Variants in SLC23A1 observed in about 807,000 individuals in gnomAD.
The protein encoded by SLC23A1 is solute carrier family 23 member 1.
A neutral mutation model predicts 62.5 loss-of-function variants in SLC23A1; 31 were observed. The observed-to-expected ratio is 0.50, with a 90% CI of 0.37 to 0.67. The LOEUF is 0.67. Ranked by LOEUF, SLC23A1 falls within the 30% of genes least tolerant of loss-of-function variation. The pLI is 0.00. For missense variants in SLC23A1, 640 were observed against 782.7 expected (o/e 0.82, Z 2.18); for synonymous variants, 271 against 313.2 (o/e 0.87, Z 1.42).
At chr5:139,372,297 C>G (rs1348274452) in intron 13 of SLC23A1, 44 bp from the exon 14 acceptor site, 6 of 1,581,230 alleles carry the variant, frequency 3.8e-6, no homozygotes, top group Non-Finnish European at 5.2e-6. Flanking sequence ...CAGCAACCCT[C>G]AGCCACCCCC....
rs766030131 is a variant in SLC23A1 at position 139,378,229 on chromosome 5, A to G, written c.1302T>C (p.Thr434=). The change falls in exon 11 of 15, where the codon ACT becomes ACC. Residue 434 remains threonine (T), a synonymous_variant. Coordinates refer to ENST00000348729, the MANE Select transcript of SLC23A1 (RefSeq NM_005847.5). This position sits in a 1 kb window ranked among gnomAD's most constrained non-coding sequence, Gnocchi z 4.5. Reference sequence around the variant, plus strand: ...CCCGCGCCAGACACTCACCAAAGAGAGTGCAGAACATGCCCCCCAGGATGG... The same window carrying G: ...CCCGCGCCAGACACTCACCAAAGAGGGTGCAGAACATGCCCCCCAGGATGG... ...PDPILGGMFC[T]LFGMITAVGL... The G allele has an allele frequency of 8.3e-5, 134 of 1,612,868 alleles. No homozygotes were observed. The highest frequency in any genetic ancestry group is 1.1e-4 in the Non-Finnish European group (130 of 1,179,684).
At chr5:139,374,748 A>C (rs1757862118) in intron 13 of SLC23A1, among the ~76,000 whole-genome samples, 1 of 152,176 alleles carries the variant, frequency 6.6e-6, no homozygotes, top group Non-Finnish European at 1.5e-5. Flanking sequence ...GCAGTTCTGC[A>C]GCTGTTGTTA....
At chr5:139,376,058 C>T (rs1176996972) in intron 13 of SLC23A1, among the ~76,000 whole-genome samples, 1 of 152,130 alleles carries the variant, frequency 6.6e-6, no homozygotes, top group East Asian at 1.9e-4. Flanking sequence ...AGGAGGGTCA[C>T]ATAAGCCCAG....
chr5:139,370,627 G>T (rs1757602657), intron 14 of SLC23A1, among the ~76,000 whole-genome samples: 1 of 151,862 alleles, frequency 6.6e-6, no homozygotes, highest in African/African-American at 2.4e-5. Flanking sequence ...AAGTAGCTGG[G>T]ATTACAGGCG....
intron 1 of SLC23A1, 141 bp downstream of exon 1, chr5:139,383,077 T>G (rs994232022): frequency 1.3e-5 from 8 of 595,908 alleles, no homozygotes; most frequent in Admixed American, 3.5e-5. Context: ...ATCCCCCAGT[T>G]GCCACATTCA....
At position 139,379,198 on chromosome 5, in the gene SLC23A1, G is replaced by A. The variant is rs1343174923; in HGVS notation, c.1073+9C>T. Reference sequence around the variant, plus strand: ...GGAGATCAGATACTGAGGAGGGCAGGTAGGCTACCTGTTGATAGCATGTAC... The same window carrying A: ...GGAGATCAGATACTGAGGAGGGCAGATAGGCTACCTGTTGATAGCATGTAC... On this transcript the variant is annotated intron_variant, in intron 9 of 14. Coordinates refer to ENST00000348729, the MANE Select transcript of SLC23A1 (RefSeq NM_005847.5). This position sits in a 1 kb window ranked among gnomAD's most constrained non-coding sequence, Gnocchi z 4.7. The A allele has an allele frequency of 1.2e-6, 2 of 1,613,868 alleles. No homozygotes were observed. Among genetic ancestry groups the A allele is most frequent in the African/African-American group, 2.7e-5 (2 of 74,934 alleles).
intron 12 of SLC23A1, 122 bp from the exon 13 acceptor site, chr5:139,377,619 T>G: frequency 1.5e-6 from 1 of 663,298 alleles, no homozygotes. Context: ...AACCTATCTC[T>G]GTCTTTCCTA....
Position 139,378,452 on chromosome 5 carries a change from G to A in SLC23A1, c.1180-101C>T. The A allele has an allele frequency of 2.0e-6, 3 of 1,473,214 alleles. No homozygotes were observed. Among genetic ancestry groups the A allele is most frequent in the Non-Finnish European group, 2.8e-6 (3 of 1,085,284 alleles). The allele number at this position is 1,473,214 out of a possible 1,614,324, so 91.3% of individuals were successfully genotyped here. A position where few individuals can be genotyped will look rare whatever the true frequency, so the allele number is the denominator to read the frequency against. Reference sequence around the variant, plus strand: ...TATAAGAGCGAGGCATAAACCGGCTGGGGCTTGATGCGGGGGCGAGGCCTC... The same window carrying A: ...TATAAGAGCGAGGCATAAACCGGCTAGGGCTTGATGCGGGGGCGAGGCCTC... On this transcript the variant is annotated intron_variant, in intron 10 of 14. Coordinates refer to ENST00000348729, the MANE Select transcript of SLC23A1 (RefSeq NM_005847.5). The surrounding 1 kb of genome is among the most constrained non-coding windows in gnomAD (Gnocchi z 4.5).
At chr5:139,375,579 A>C (rs1312637538) in intron 13 of SLC23A1, among the ~76,000 whole-genome samples, 1 of 152,170 alleles carries the variant, frequency 6.6e-6, no homozygotes, top group Non-Finnish European at 1.5e-5. Flanking sequence ...TCACGCCTGT[A>C]ATCCTAGCAC....
At chr5:139,370,974 CA>C (rs1026558948) in intron 14 of SLC23A1, among the ~76,000 whole-genome samples, 1 of 151,846 alleles carries the variant, frequency 6.6e-6, no homozygotes, top group Non-Finnish European at 1.5e-5. Flanking sequence ...CCCAGCTACT[CA>C]GAAGGCTGAG....
At chr5:139,373,580 A>G (rs1407454110) in intron 13 of SLC23A1, among the ~76,000 whole-genome samples, 4 of 152,216 alleles carry the variant, frequency 2.6e-5, no homozygotes, top group Non-Finnish European at 4.4e-5. Context: ...CTGAAATACT[A>G]TAAATCTAGC....
rs763327795 is a variant in SLC23A1 at position 139,378,137 on chromosome 5, G to T, written c.1310-19C>A. 1 of 1,614,088 alleles carries T rather than the reference G, an allele frequency of 6.2e-7. No homozygotes were observed. The highest frequency in any genetic ancestry group is 8.5e-7 in the Non-Finnish European group (1 of 1,179,990). On this transcript the variant is annotated intron_variant, in intron 11 of 14. Transcript: ENST00000348729. The surrounding 1 kb of genome is among the most constrained non-coding windows in gnomAD (Gnocchi z 4.5). ...ATCATGCCTAAGGGCGCAAGAGAACGGCTGGAGGCGCCGCACACGCGTAAT... is the reference window on the plus strand; with the variant it reads ...ATCATGCCTAAGGGCGCAAGAGAACTGCTGGAGGCGCCGCACACGCGTAAT...
chr5:139,379,218 A>AT lies in SLC23A1; in HGVS notation c.1061dup (p.His354GlnfsTer72). 2 of 1,614,156 alleles carry AT rather than the reference A, an allele frequency of 1.2e-6. No individual in the cohort carries two copies. The highest frequency in any genetic ancestry group is 3.3e-5 in the Admixed American group (2 of 60,026). On this transcript the variant is annotated frameshift_variant, in exon 9 of 15. Coordinates refer to ENST00000348729, the MANE Select transcript of SLC23A1 (RefSeq NM_005847.5). LOFTEE classifies it high-confidence loss of function. The surrounding 1 kb of genome is among the most constrained non-coding windows in gnomAD (Gnocchi z 4.7). ...GGCAGGTAGGCTACCTGTTGATAGC[A>AT]TGTACTGGAGGGGGTGGTGCACCAG...
rs1010512049 is a variant in SLC23A1 at position 139,368,666 on chromosome 5, G to A, written c.*20-1035C>T. 3 of 1,048,250 alleles carry A rather than the reference G, an allele frequency of 2.9e-6. No individual in the cohort carries two copies. In the African/African-American group the frequency reaches 4.7e-5, roughly 17 times the overall value. The allele number at this position is 1,048,250 out of a possible 1,614,324, so 64.9% of individuals were successfully genotyped here. On this transcript the variant is annotated intron_variant, in intron 14 of 14. Coordinates refer to ENST00000348729, the MANE Select transcript of SLC23A1 (RefSeq NM_005847.5). ...TTTTTGGAAGATGTTTTTGCATGAGGATCTAGATTGAATTAGTACCTGAAA... is the reference window on the plus strand; with the variant it reads ...TTTTTGGAAGATGTTTTTGCATGAGAATCTAGATTGAATTAGTACCTGAAA...
rs576707445 is a variant in SLC23A1 at position 139,379,226 on chromosome 5, G to T, written c.1054C>A (p.Pro352Thr). Reference protein sequence around the residue: ...CARLAGAPPPPVHAINRGIFT... With the variant: ...CARLAGAPPPTVHAINRGIFT... ...GGCTACCTGTTGATAGCATGTACTG[G>T]AGGGGGTGGTGCACCAGCCAGGCGG... is the stretch of plus-strand genomic sequence containing the variant. The change falls in exon 9 of 15, where the codon CCA (proline) becomes ACA (threonine). Residue 352 changes from proline to threonine, a missense_variant. Physicochemically the swap from Pro to Thr is conservative, Grantham distance 38. Coordinates refer to ENST00000348729, the MANE Select transcript of SLC23A1 (RefSeq NM_005847.5). The surrounding 1 kb of genome is among the most constrained non-coding windows in gnomAD (Gnocchi z 4.7). 3.7e-6 allele frequency: 6 copies of T among 1,614,230 alleles called. No individual in the cohort carries two copies. The South Asian group carries it at 6.6e-5, about 18-fold the overall frequency.
upstream of SLC23A1, among the ~76,000 whole-genome samples, chr5:139,383,618 CT>C (rs1758395725): frequency 6.6e-6 from 1 of 152,184 alleles, no homozygotes; most frequent in Non-Finnish European, 1.5e-5. Context: ...ATGTAACCCC[CT>C]GTATGAGGCC....
Position 139,378,377 on chromosome 5 carries a change from A to T in SLC23A1, c.1180-26T>A. The T allele has an allele frequency of 6.4e-7, 1 of 1,550,866 alleles. No individual in the cohort carries two copies. Among genetic ancestry groups the T allele is most frequent in the Non-Finnish European group, 8.7e-7 (1 of 1,147,480 alleles). Reference sequence around the variant, plus strand: ...CTGCCGGGGAGCCAGCGGGGAAGCTAGACCTGGGGACGAGGCTGGGGCGGG... The same window carrying T: ...CTGCCGGGGAGCCAGCGGGGAAGCTTGACCTGGGGACGAGGCTGGGGCGGG... On this transcript the variant is annotated intron_variant, in intron 10 of 14. Transcript: ENST00000348729. This position sits in a 1 kb window ranked among gnomAD's most constrained non-coding sequence, Gnocchi z 4.5.
In SLC23A1 at chr5:139,379,542, A is replaced by G; in HGVS notation, c.925+136T>C. 1 of 1,072,418 alleles carries G rather than the reference A, an allele frequency of 9.3e-7. No homozygotes were observed. Among genetic ancestry groups the G allele is most frequent in the Non-Finnish European group, 1.4e-6 (1 of 709,880 alleles). 66.4% of individuals were successfully genotyped at this position (1,072,418 alleles called of 1,614,324 possible). A position where few individuals can be genotyped will look rare whatever the true frequency, so the allele number is the denominator to read the frequency against. On this transcript the variant is annotated intron_variant, in intron 8 of 14. Transcript: ENST00000348729. The surrounding 1 kb of genome is among the most constrained non-coding windows in gnomAD (Gnocchi z 4.7). Reference sequence around the variant, plus strand: ...AGTGGGACTGAAGCTTTGTCTAAGTAAAACACCACTCTGCTGGGCGCACTA... The same window carrying G: ...AGTGGGACTGAAGCTTTGTCTAAGTGAAACACCACTCTGCTGGGCGCACTA...
rs922977389 is a variant in SLC23A1 at position 139,378,889 on chromosome 5, A to G, written c.1074-205T>C. On this transcript the variant is annotated intron_variant, in intron 9 of 14. Coordinates refer to ENST00000348729, the MANE Select transcript of SLC23A1 (RefSeq NM_005847.5). The surrounding 1 kb of genome is among the most constrained non-coding windows in gnomAD (Gnocchi z 4.5). Reference sequence around the variant, plus strand: ...CTCCTGTGGGTAATTCTGGCCTTCAATTTCCTCCTGGGATAAATACCGGTG... The same window carrying G: ...CTCCTGTGGGTAATTCTGGCCTTCAGTTTCCTCCTGGGATAAATACCGGTG... Among the ~76,000 whole-genome samples the G allele has an allele frequency of 2.0e-5, 3 of 152,082 alleles. No individual in the cohort carries two copies. The highest frequency in any genetic ancestry group is 4.8e-5 in the African/African-American group (2 of 41,400).
Sources: allele counts gnomAD v4.1 joint callset (sites outside exome capture counted in the v4.1 genomes callset), GRCh38; gene constraint gnomAD v4.1.1; non-coding constraint Gnocchi (gnomAD v3.1); transcripts MANE v1.5; gene names NCBI Gene and HGNC (gene_info 2026-07-23, HGNC 2026-07-21).